The following LIMK1 variants were observed in gnomAD, a reference collection of about 807,000 sequenced individuals.
LIMK1 encodes the protein LIM motif-containing protein kinase.
Under a neutral mutation model 77.6 loss-of-function variants are expected in LIMK1, and 21 were observed. The observed-to-expected ratio is 0.27, with a 90% CI of 0.19 to 0.39. LIMK1 has a LOEUF of 0.39. LIMK1 is among the 10% of genes least tolerant of loss of function. The pLI is 1.00. For missense variants in LIMK1, 696 were observed against 901.6 expected, an observed-to-expected ratio of 0.77 and a Z score of 2.92; for synonymous variants, 358 against 370.0, an observed-to-expected ratio of 0.97 and a Z score of 0.37.
chr7:74,111,625 T>A (rs1554698641), intron 10 of LIMK1, 23 bp from the exon 11 acceptor site: 2 of 1,606,874 alleles, frequency 1.2e-6, no homozygotes, highest in South Asian at 1.1e-5. Context: ...GGCCCCACCC[T>A]GGCCATTCTT....
chr7:74,096,571 G>A (rs2115659092), intron 2 of LIMK1, 51 bp from the exon 3 acceptor site: 2 of 1,610,440 alleles, frequency 1.2e-6, no homozygotes, highest in South Asian at 2.2e-5. Context: ...GGGCCCAGGT[G>A]AGGTGGAGGA....
At position 74,097,132 on chromosome 7, in the gene LIMK1, G is replaced by T; in HGVS notation, c.344G>T (p.Gly115Val). The T allele has an allele frequency of 6.2e-7, 1 of 1,613,640 alleles. No homozygotes were observed. Among genetic ancestry groups the T allele is most frequent in the Non-Finnish European group, 8.5e-7 (1 of 1,179,926 alleles). Residue 115 changes from glycine (G) to valine (V), a missense_variant, in exon 4 of 16, where the codon GGG (glycine) becomes GTG (valine). Physicochemically the swap from Gly to Val is moderately radical, Grantham distance 109. Around this residue, in one of 3 missense-constraint regions of LIMK1, gnomAD observed 252 missense variants for 279.4 expected, o/e 0.90. Coordinates refer to ENST00000336180, the MANE Select transcript of LIMK1 (RefSeq NM_002314.4). ...HPECFICLTC[G>V]TFIGDGDTYT... is the part of the protein sequence containing the mutation. ...GAGTGTTTCATCTGCCTCACGTGTG[G>T]GACCTTTATCGGTGACGGGGACACC...
intron 2 of LIMK1, chr7:74,093,359 G>T: frequency 6.5e-7 from 1 of 1,527,632 alleles, no homozygotes; most frequent in South Asian, 1.2e-5. Flanking sequence ...CTGGTGTAAG[G>T]CCTGGGGCTG....
At position 74,115,594 on chromosome 7, in the gene LIMK1, ACTG is replaced by A. The variant is rs533676591; in HGVS notation, c.1411-205_1411-203del. 648 of 548,070 alleles carry A rather than the reference ACTG, an allele frequency of 1.2e-3. 1 individual carries two copies. The highest frequency in any genetic ancestry group is 1.0e-2 in the African/African-American group (528 of 52,994). 34.0% of individuals were successfully genotyped at this position (548,070 alleles called of 1,614,324 possible). On this transcript the variant is annotated intron_variant, in intron 12 of 15. Transcript: ENST00000336180. ...CGTGTGGTGGGAGGGAGGAAGCCAC[ACTG>A]CTATCTTCAGGTGCTTCCCGCAGCT...
chr7:74,110,214 A>C (rs1554698427), intron 10 of LIMK1: 1 of 152,126 alleles, frequency 6.6e-6, no homozygotes, highest in East Asian at 1.9e-4. Context: ...AAATTAGCCA[A>C]ATGTGGTGAC....
At chr7:74,121,089 C>T (rs1404288698) in intron 15 of LIMK1, 40 bp downstream of exon 15, 8 of 1,598,010 alleles carry the variant, frequency 5.0e-6, no homozygotes, top group African/African-American at 1.3e-5. Context: ...ACGGTGGGGC[C>T]GATTCCCGGG....
Position 74,083,945 on chromosome 7 carries a change from C to G in LIMK1, c.-46C>G. ...GCGGTGGGCGAGCTCGCGGGCCCGG[C>G]CGCCCCCAGCCCCAGCCCCGCCGGG... is the stretch of plus-strand genomic sequence containing the variant. On this transcript the variant is annotated 5_prime_UTR_variant, in exon 1 of 16. Transcript: ENST00000336180. 1 of 750,682 alleles carries G rather than the reference C, an allele frequency of 1.3e-6. No homozygotes were observed. 46.5% of individuals were successfully genotyped at this position (750,682 alleles called of 1,614,324 possible).
intron 5 of LIMK1, among the ~76,000 whole-genome samples, chr7:74,101,778 C>G (rs1044194088): frequency 8.0e-5 from 12 of 150,510 alleles, no homozygotes; most frequent in African/African-American, 3.0e-4. Flanking sequence ...ATGTGAGATT[C>G]TAAGGAATTT....
intron 12 of LIMK1, among the ~76,000 whole-genome samples, chr7:74,114,486 G>T (rs1799767252): frequency 6.6e-6 from 1 of 151,296 alleles, no homozygotes; most frequent in African/African-American, 2.4e-5. Flanking sequence ...GGGAAGTTGA[G>T]GCTGCAATGA....
chr7:74,121,007 T>A lies in LIMK1; in HGVS notation c.1739T>A (p.Phe580Tyr), dbSNP rs178412. 4.4e-4 allele frequency: 686 copies of A among 1,566,928 alleles called. 1 individual carries two copies. Among genetic ancestry groups the A allele is most frequent in the Non-Finnish European group, 4.5e-4 (521 of 1,153,210 alleles). The change falls in exon 15 of 16, where the codon TTC (phenylalanine) becomes TAC (tyrosine). Residue 580 changes from phenylalanine to tyrosine, a missense_variant. This residue lies in a region of LIMK1 where 438 missense variants were observed against 602.3 expected (regional missense o/e 0.73). Coordinates refer to ENST00000336180, the MANE Select transcript of LIMK1 (RefSeq NM_002314.4). Reference protein sequence around the residue: ...YCPPNCPPSFFPITVRCCDLD... With the variant: ...YCPPNCPPSFYPITVRCCDLD... ...CCCCCAAACTGCCCCCCGAGCTTCT[T>A]CCCCATCACCGTGCGCTGTTGCGAT...
rs781981526 is a variant in LIMK1 at position 74,115,993 on chromosome 7, C to T, written c.1567+35C>T. The T allele has an allele frequency of 1.0e-5, 16 of 1,596,780 alleles. No homozygotes were observed. The African/African-American group carries it at 1.3e-4, about 13-fold the overall frequency. Reference sequence around the variant, plus strand: ...TCAGCCCTGCCCATCATGGCCCTCACGGGAAGCCATGGGGGAGCCCAGGAG... The same window carrying T: ...TCAGCCCTGCCCATCATGGCCCTCATGGGAAGCCATGGGGGAGCCCAGGAG... On this transcript the variant is annotated intron_variant, in intron 13 of 15. Coordinates refer to ENST00000336180, the MANE Select transcript of LIMK1 (RefSeq NM_002314.4).
chr7:74,110,386 C>A (rs1799670784), intron 10 of LIMK1: 1 of 152,150 alleles, frequency 6.6e-6, no homozygotes, highest in Non-Finnish European at 1.5e-5. Flanking sequence ...GCGTCTCCCC[C>A]AAATGATTTG....
At chr7:74,100,923 G>A (rs1799447275) in intron 5 of LIMK1, among the ~76,000 whole-genome samples, 1 of 150,902 alleles carries the variant, frequency 6.6e-6, no homozygotes, top group Admixed American at 6.6e-5. Flanking sequence ...ATATTTAGTA[G>A]AGACAGGGTT....
At chr7:74,108,006 C>A in intron 9 of LIMK1, 49 bp downstream of exon 9, 1 of 1,351,010 alleles carries the variant, frequency 7.4e-7, no homozygotes, top group Non-Finnish European at 1.0e-6. Context: ...TCCAGGTGCT[C>A]ACCCCTGCCC....
chr7:74,120,621 G>T lies in LIMK1; in HGVS notation c.1606G>T (p.Gly536Trp). 6.2e-7 allele frequency: 1 copy of T among 1,614,236 alleles called. No homozygotes were observed. The highest frequency in any genetic ancestry group is 8.5e-7 in the Non-Finnish European group (1 of 1,180,038). Residue 536 changes from glycine (G) to tryptophan (W), a missense_variant, in exon 14 of 16, where the codon GGG (glycine) becomes TGG (tryptophan). By Grantham distance (184) the Gly-to-Trp change is radical (BLOSUM62 -2). Around this residue, in one of 3 missense-constraint regions of LIMK1, gnomAD observed 438 missense variants for 602.3 expected, o/e 0.73. Transcript: ENST00000336180. ...YDEKVDVFSF[G>W]IVLCEIIGRV... ...TGAGAAGGTGGATGTGTTCTCCTTT[G>T]GGATCGTCCTGTGCGAGGTAGGTCC...
intron 12 of LIMK1, among the ~76,000 whole-genome samples, chr7:74,114,964 C>G (rs2115744586): frequency 6.6e-6 from 1 of 152,056 alleles, no homozygotes; most frequent in South Asian, 2.1e-4. Context: ...TGGCTTACTC[C>G]TGTAATCCCA....
chr7:74,108,072 C>T, intron 9 of LIMK1, 115 bp downstream of exon 9: 2 of 765,466 alleles, frequency 2.6e-6, no homozygotes, highest in Non-Finnish European at 2.2e-6. Flanking sequence ...AGCGAGCAGG[C>T]CAGGCATAGT....
intron 5 of LIMK1, among the ~76,000 whole-genome samples, chr7:74,104,518 A>G (rs1393434260): frequency 6.6e-6 from 1 of 151,842 alleles, no homozygotes; most frequent in Non-Finnish European, 1.5e-5. Context: ...CCAGCTACTC[A>G]GGAGCCTGAG....
chr7:74,091,214 G>A (rs750466811), intron 2 of LIMK1, among the ~76,000 whole-genome samples: 41 of 150,646 alleles, frequency 2.7e-4, no homozygotes, highest in Admixed American at 1.3e-3. Context: ...GTGAGCCACC[G>A]TGCCCGGCAA....
Sources: gnomAD v4.1 joint callset for allele counts (sites outside exome capture counted in the v4.1 genomes callset) on GRCh38, gnomAD v4.1.1 for gene constraint, gnomAD v4.1.1 regional missense constraint, MANE v1.5 for transcripts, NCBI Gene and HGNC (gene_info 2026-07-23, HGNC 2026-07-21) for gene names.